The following SH3RF2 variants were observed in gnomAD, a reference collection of about 807,000 sequenced individuals.
SH3RF2 encodes E3 ubiquitin-protein ligase SH3RF2.
In SH3RF2, 43 loss-of-function variants were observed where a neutral mutation model predicts 59.0. The ratio of observed to expected loss-of-function variants is 0.73; its 90% CI spans 0.57 to 0.94. The LOEUF is 0.94. Among genes scored for constraint, SH3RF2 ranks in the 40% least tolerant of loss-of-function variants. The pLI, the probability that SH3RF2 is intolerant of heterozygous loss-of-function variation, is 0.00. For missense variants in SH3RF2, 930 were observed against 940.1 expected (o/e 0.99, Z 0.14); for synonymous variants, 391 against 391.5 (o/e 1.00, Z 0.01).
intron 5 of SH3RF2, among the ~76,000 whole-genome samples, chr5:146,045,921 T>G (rs573822527): frequency 6.6e-6 from 1 of 152,358 alleles, no homozygotes; most frequent in Middle Eastern, 3.4e-3. Flanking sequence ...GCATAGAGGC[T>G]GTACCATTTT....
intron 5 of SH3RF2, among the ~76,000 whole-genome samples, chr5:146,020,282 C>G (rs1200501144): frequency 6.6e-6 from 1 of 152,166 alleles, no homozygotes; most frequent in Non-Finnish European, 1.5e-5. Context: ...TCTCCCAGGT[C>G]TGCTGACACA....
intron 5 of SH3RF2, among the ~76,000 whole-genome samples, chr5:146,016,210 A>G (rs1761096069): frequency 6.6e-6 from 1 of 152,248 alleles, no homozygotes; most frequent in Non-Finnish European, 1.5e-5. Context: ...CTTCCAGCCA[A>G]TAAACATCTG....
chr5:145,943,680 T>C (rs1226079975), intron 2 of SH3RF2, among the ~76,000 whole-genome samples: 2 of 151,438 alleles, frequency 1.3e-5, no homozygotes, highest in Non-Finnish European at 2.9e-5. Context: ...GCCATTCCAT[T>C]ACCTACTTCA....
Position 146,062,780 on chromosome 5 carries a change from C to A in SH3RF2, c.*79C>A. 1 of 1,523,938 alleles carries A rather than the reference C, an allele frequency of 6.6e-7. No homozygotes were observed. The highest frequency in any genetic ancestry group is 8.8e-7 in the Non-Finnish European group (1 of 1,131,870). The allele number at this position is 1,523,938 out of a possible 1,614,324, so 94.4% of individuals were successfully genotyped here. ...GTCTGCCTCCACTGAGGGCATCCTG[C>A]CATTCTTTGGGGACTTGAGCATGGG... On this transcript the variant is annotated 3_prime_UTR_variant, in exon 10 of 10. Coordinates refer to ENST00000359120, the MANE Select transcript of SH3RF2 (RefSeq NM_152550.4).
At chr5:145,939,235 T>G (rs1757717396) in intron 2 of SH3RF2, among the ~76,000 whole-genome samples, 1 of 152,252 alleles carries the variant, frequency 6.6e-6, no homozygotes, top group Non-Finnish European at 1.5e-5. Context: ...CACGGAAAGC[T>G]GTGGCTTGGG....
intron 4 of SH3RF2, among the ~76,000 whole-genome samples, chr5:146,011,843 T>C (rs1269000997): frequency 6.6e-6 from 1 of 152,200 alleles, no homozygotes; most frequent in Admixed American, 6.5e-5. Flanking sequence ...CAATTTGACT[T>C]CCTCTTTTCC....
At chr5:146,011,942 C>T (rs1287874320) in intron 4 of SH3RF2, among the ~76,000 whole-genome samples, 1 of 152,204 alleles carries the variant, frequency 6.6e-6, no homozygotes, top group East Asian at 1.9e-4. Flanking sequence ...TGACAGAGGG[C>T]ATCCCTGTCT....
At chr5:146,041,418 C>T (rs534493892) in intron 5 of SH3RF2, among the ~76,000 whole-genome samples, 3 of 152,318 alleles carry the variant, frequency 2.0e-5, no homozygotes, top group South Asian at 2.1e-4. Flanking sequence ...CACATGAGAA[C>T]GGAGCCCTGC....
intron 2 of SH3RF2, chr5:145,997,623 C>T: frequency 6.3e-7 from 1 of 1,589,950 alleles, no homozygotes; most frequent in East Asian, 2.2e-5. Context: ...AATTACTTAT[C>T]CTCTGGGACT....
intron 2 of SH3RF2, among the ~76,000 whole-genome samples, chr5:145,952,369 A>G (rs1188583635): frequency 6.6e-6 from 1 of 152,148 alleles, no homozygotes; most frequent in Non-Finnish European, 1.5e-5. Context: ...CTAAAACAAT[A>G]TCTTAATAGT....
In SH3RF2 at chr5:146,000,103, G is replaced by T. The variant is rs376743854; in HGVS notation, c.424G>T (p.Gly142Cys). The change falls in exon 3 of 10, where the codon GGT becomes TGT. Residue 142 changes from glycine (G) to cysteine (C), a missense_variant. Coordinates refer to ENST00000359120, the MANE Select transcript of SH3RF2 (RefSeq NM_152550.4). ...ATGCAACTACAGAGGGCAGAATCCC[G>T]GTGACCTAAGGTTTAATAAGGGAGA... ...ALCNYRGQNP[G>C]DLRFNKGDII... 1 of 1,613,350 alleles carries T rather than the reference G, an allele frequency of 6.2e-7. No homozygotes were observed. The highest frequency in any genetic ancestry group is 1.7e-5 in the Admixed American group (1 of 59,858).
At chr5:146,030,210 G>A (rs1761692857) in intron 5 of SH3RF2, among the ~76,000 whole-genome samples, 1 of 152,174 alleles carries the variant, frequency 6.6e-6, no homozygotes, top group Non-Finnish European at 1.5e-5. Context: ...AGCCAGTACT[G>A]ATGAGAGAAA....
At chr5:146,055,421 G>A (rs1035897960) in intron 7 of SH3RF2, among the ~76,000 whole-genome samples, 2 of 152,194 alleles carry the variant, frequency 1.3e-5, no homozygotes, top group African/African-American at 4.8e-5. Context: ...CCAATACCTG[G>A]CATACAGTAA....
chr5:145,973,058 C>G (rs1759148981), intron 2 of SH3RF2, among the ~76,000 whole-genome samples: 1 of 152,110 alleles, frequency 6.6e-6, no homozygotes, highest in African/African-American at 2.4e-5. Context: ...GGGAAAGACA[C>G]CTGACCCGTG....
chr5:145,965,576 G>A (rs1758827529), intron 2 of SH3RF2, among the ~76,000 whole-genome samples: 1 of 152,214 alleles, frequency 6.6e-6, no homozygotes, highest in East Asian at 1.9e-4. Flanking sequence ...TTTGCACAGA[G>A]AGTATTAGAG....
intron 2 of SH3RF2, among the ~76,000 whole-genome samples, chr5:145,986,948 G>A (rs1759731318): frequency 6.6e-6 from 1 of 152,186 alleles, no homozygotes; most frequent in Non-Finnish European, 1.5e-5. Flanking sequence ...GGGACCAGGA[G>A]ATAAAGGCTG....
chr5:145,961,711 T>G (rs757803593), intron 2 of SH3RF2, among the ~76,000 whole-genome samples: 1 of 152,230 alleles, frequency 6.6e-6, no homozygotes, highest in Non-Finnish European at 1.5e-5. Context: ...GCCTGAGGCA[T>G]GGATTTTTAT....
intron 4 of SH3RF2, among the ~76,000 whole-genome samples, chr5:146,006,358 C>T (rs1760644627): frequency 6.6e-6 from 1 of 151,952 alleles, no homozygotes; most frequent in Admixed American, 6.6e-5. Context: ...GAGGTCGTGG[C>T]TACAGTGAGC....
At chr5:146,024,980 G>C (rs564460552) in intron 5 of SH3RF2, among the ~76,000 whole-genome samples, 1 of 152,080 alleles carries the variant, frequency 6.6e-6, no homozygotes, top group East Asian at 1.9e-4. Flanking sequence ...GCCTTTTACC[G>C]GGTGGTTTGA....
Sources: allele counts gnomAD v4.1 joint callset (sites outside exome capture counted in the v4.1 genomes callset), GRCh38; gene constraint gnomAD v4.1.1; transcripts MANE v1.5; gene names NCBI Gene and HGNC (gene_info 2026-07-23, HGNC 2026-07-21).